Variants in KCNH7 observed in about 807,000 individuals in gnomAD.
The protein encoded by KCNH7 is voltage-gated inwardly rectifying potassium channel KCNH7.
A neutral mutation model predicts 120.8 loss-of-function variants in KCNH7; 49 were observed. That is an observed-to-expected ratio of 0.41 (90% CI 0.32 to 0.51). KCNH7 has a LOEUF of 0.51. Ranked by LOEUF, KCNH7 falls within the 20% of genes least tolerant of loss-of-function variation. KCNH7 has a pLI of 0.38. For missense variants in KCNH7, 1,097 were observed against 1,446.6 expected, an observed-to-expected ratio of 0.76 and a Z score of 3.92; for synonymous variants, 547 against 516.1, an observed-to-expected ratio of 1.06 and a Z score of -0.81.
At chr2:162,723,655 A>T (rs971904210) in intron 2 of KCNH7, among the ~76,000 whole-genome samples, 2 of 152,200 alleles carry the variant, frequency 1.3e-5, no homozygotes, top group Non-Finnish European at 2.9e-5. Flanking sequence ...TCAACTTTTC[A>T]ATCTTTATAC....
rs557181161 is a variant in KCNH7, at chr2:162,563,413, T to C, written c.308-26333A>G. 5.9e-5 allele frequency among the ~76,000 whole-genome samples: 9 copies of C among 152,258 alleles called. No individual in the cohort carries two copies. In the East Asian group the frequency reaches 1.7e-3, roughly 30 times the overall value. ...GATTAACACAATATAGGAATTTACATACACATACACACACAGAGGCACACA... is the reference window on the plus strand; with the variant it reads ...GATTAACACAATATAGGAATTTACACACACATACACACACAGAGGCACACA... On this transcript the variant is annotated intron_variant, in intron 2 of 15. Coordinates refer to ENST00000332142, the MANE Select transcript of KCNH7 (RefSeq NM_033272.4).
chr2:162,376,410 G>A (rs113979890), intron 14 of KCNH7, among the ~76,000 whole-genome samples: 5 of 150,480 alleles, frequency 3.3e-5, no homozygotes, highest in African/African-American at 9.8e-5. Context: ...CTGTCGCCCA[G>A]GCTGGAGTGC....
intron 2 of KCNH7, among the ~76,000 whole-genome samples, chr2:162,716,772 T>C (rs1687138218): frequency 6.6e-6 from 1 of 152,140 alleles, no homozygotes; most frequent in Admixed American, 6.6e-5. Context: ...ACTGTGGCCA[T>C]AAAATATGAT....
chr2:162,748,911 C>T (rs1688427906), intron 2 of KCNH7, among the ~76,000 whole-genome samples: 1 of 72,116 alleles, frequency 1.4e-5, no homozygotes, highest in African/African-American at 1.3e-4. Flanking sequence ...TCCTTCCTTC[C>T]TTCCCTTCCC....
At chr2:162,416,753 GC>G (rs764626325) in intron 9 of KCNH7, among the ~76,000 whole-genome samples, 59 of 152,030 alleles carry the variant, frequency 3.9e-4, no homozygotes, top group Non-Finnish European at 7.4e-4. Context: ...CAGAGGTGAT[GC>G]CCCCTACCCA....
At position 162,394,407 on chromosome 2, in the gene KCNH7, C is replaced by T. The variant is rs772332851; in HGVS notation, c.2692G>A (p.Glu898Lys). Residue 898 changes from glutamate to lysine, a missense_variant, in exon 12 of 16, where the codon GAA becomes AAA. By Grantham distance (56) the Glu-to-Lys change is moderately conservative. Transcript: ENST00000332142. The part of the protein sequence containing the change: ...CKLRRRKLSF[E>K]SEGEKENSTN... The stretch of plus-strand genomic sequence containing the variant: ...GAATTACCTTTCTCTCCTTCACTTT[C>T]AAATGACAATTTCCTTCTTCTTAGT... 6.9e-6 allele frequency: 11 copies of T among 1,589,056 alleles called. No individual in the cohort carries two copies. The highest frequency in any genetic ancestry group is 9.5e-6 in the Non-Finnish European group (11 of 1,158,162).
chr2:162,595,823 T>C (rs1482790545), intron 2 of KCNH7, among the ~76,000 whole-genome samples: 2 of 151,890 alleles, frequency 1.3e-5, no homozygotes, highest in Non-Finnish European at 2.9e-5. Flanking sequence ...AAACCCTAAA[T>C]ACTCCACCAA....
intron 2 of KCNH7, among the ~76,000 whole-genome samples, chr2:162,592,700 G>A (rs547332820): frequency 6.6e-6 from 1 of 151,854 alleles, no homozygotes; most frequent in Non-Finnish European, 1.5e-5. Context: ...CATATATCTG[G>A]GTTAGCATAA....
rs551343197 is a variant in KCNH7, at chr2:162,526,058, G to C, written c.464-7900C>G. Among the ~76,000 whole-genome samples the C allele has an allele frequency of 1.6e-4, 25 of 152,074 alleles. 1 individual carries two copies. In the South Asian group the frequency reaches 5.0e-3, roughly 30 times the overall value. On this transcript the variant is annotated intron_variant, in intron 3 of 15. Coordinates refer to ENST00000332142, the MANE Select transcript of KCNH7 (RefSeq NM_033272.4). ...GGCCAGTCTGAGAAATAAAGGGACA[G>C]AGTACAAAAGAGAAATTTTAAAGCT...
chr2:162,541,183 A>G (rs1317327415), intron 2 of KCNH7, among the ~76,000 whole-genome samples: 1 of 152,010 alleles, frequency 6.6e-6, no homozygotes, highest in Non-Finnish European at 1.5e-5. Flanking sequence ...GATCCAGGAG[A>G]CTGAAGTTAA....
At chr2:162,819,199 G>C (rs531088524) in intron 2 of KCNH7, among the ~76,000 whole-genome samples, 1 of 152,200 alleles carries the variant, frequency 6.6e-6, no homozygotes, top group South Asian at 2.1e-4. Flanking sequence ...AAAATTTATA[G>C]AGTCTATTAG....
intron 2 of KCNH7, among the ~76,000 whole-genome samples, chr2:162,644,385 G>A (rs1162987622): frequency 6.6e-6 from 1 of 151,936 alleles, no homozygotes; most frequent in Non-Finnish European, 1.5e-5. Flanking sequence ...AAAATACCCA[G>A]TAGCGTTATA....
chr2:162,519,512 T>C (rs1467785201), intron 3 of KCNH7, among the ~76,000 whole-genome samples: 2 of 151,840 alleles, frequency 1.3e-5, no homozygotes, highest in Non-Finnish European at 2.9e-5. Context: ...AGATATAATG[T>C]ATGCATTCTT....
intron 2 of KCNH7, among the ~76,000 whole-genome samples, chr2:162,754,749 T>C (rs868031683): frequency 6.6e-6 from 1 of 152,158 alleles, no homozygotes; most frequent in African/African-American, 2.4e-5. Flanking sequence ...CAGGAAGTAA[T>C]GTCCTTAAAT....
At chr2:162,591,635 CAT>C (rs1694220571) in intron 2 of KCNH7, among the ~76,000 whole-genome samples, 1 of 151,974 alleles carries the variant, frequency 6.6e-6, no homozygotes, top group Non-Finnish European at 1.5e-5. Flanking sequence ...CATGGGGTGA[CAT>C]AGGTCCTAAG....
chr2:162,454,994 G>A (rs1041797053), intron 6 of KCNH7, among the ~76,000 whole-genome samples: 2 of 152,094 alleles, frequency 1.3e-5, no homozygotes, highest in Non-Finnish European at 2.9e-5. Flanking sequence ...AGTGGTGAGA[G>A]AGGGCATCCT....
At chr2:162,372,567 T>C (rs1198459938) in intron 15 of KCNH7, among the ~76,000 whole-genome samples, 2 of 150,990 alleles carry the variant, frequency 1.3e-5, no homozygotes, top group Non-Finnish European at 2.9e-5. Context: ...TTCCCAGTCA[T>C]TCAAAACTAG....
chr2:162,624,889 G>GTTTTTTT (rs66562676), intron 2 of KCNH7, among the ~76,000 whole-genome samples: 13 of 69,732 alleles, frequency 1.9e-4, no homozygotes, highest in South Asian at 6.6e-4. Flanking sequence ...TGCACTCTTG[G>GTTTTTTT]TTTTTTTTTT....
intron 2 of KCNH7, among the ~76,000 whole-genome samples, chr2:162,806,665 A>G (rs568383103): frequency 1.3e-5 from 2 of 152,314 alleles, no homozygotes; most frequent in Admixed American, 1.3e-4. Context: ...GTAGTCTCAG[A>G]CAATAAAAAT....
Sources: gnomAD v4.1 joint callset for allele counts (sites outside exome capture counted in the v4.1 genomes callset) on GRCh38, gnomAD v4.1.1 for gene constraint, MANE v1.5 for transcripts, NCBI Gene and HGNC (gene_info 2026-07-23, HGNC 2026-07-21) for gene names.